KIF5C: variants seen among roughly 807,000 people sequenced by gnomAD.
The protein encoded by KIF5C is kinesin heavy chain isoform 5C.
A neutral mutation model predicts 125.2 loss-of-function variants in KIF5C; 18 were observed. The ratio of observed to expected loss-of-function variants is 0.14; its 90% CI spans 0.10 to 0.21. The LOEUF is 0.21. Ranked by LOEUF, KIF5C falls within the 10% of genes least tolerant of loss-of-function variation. KIF5C has a pLI of 1.00. For synonymous variants in KIF5C, 405 were observed against 434.0 expected, an observed-to-expected ratio of 0.93 and a Z score of 0.83; for missense variants, 780 against 1,183.8, an observed-to-expected ratio of 0.66 and a Z score of 5.01.
chr2:148,959,569 C>G (rs900617749), intron 10 of KIF5C, among the ~76,000 whole-genome samples: 4 of 152,144 alleles, frequency 2.6e-5, no homozygotes, highest in Admixed American at 6.5e-5. Flanking sequence ...CCCATTTGGG[C>G]TGAATGAAGT....
chr2:148,945,073 T>A (rs563215106), intron 7 of KIF5C, among the ~76,000 whole-genome samples: 1 of 152,294 alleles, frequency 6.6e-6, no homozygotes, highest in South Asian at 2.1e-4. Flanking sequence ...TTTATAAAAT[T>A]TTCTTCTATT....
At chr2:148,982,418 G>C (rs1681260732) in intron 14 of KIF5C, among the ~76,000 whole-genome samples, 1 of 152,216 alleles carries the variant, frequency 6.6e-6, no homozygotes, top group Admixed American at 6.5e-5. Context: ...CAATGGCCTG[G>C]TGTCCTGGGC....
Position 148,981,447 on chromosome 2 carries a change from A to G in KIF5C, c.1455A>G (p.Lys485=), listed in dbSNP as rs1681233082. 3 of 1,609,800 alleles carry G rather than the reference A, an allele frequency of 1.9e-6. No individual in the cohort carries two copies. Among genetic ancestry groups the G allele is most frequent in the Non-Finnish European group, 2.5e-6 (3 of 1,178,116 alleles). ...ATGAGGCAGCCAAGGATGAGGTGAAAGAAGTTCTCCAGGCCCTGGAGGAGC... is the reference window on the plus strand; with the variant it reads ...ATGAGGCAGCCAAGGATGAGGTGAAGGAAGTTCTCCAGGCCCTGGAGGAGC... ...IENEAAKDEV[K]EVLQALEELA... Residue 485 remains lysine (K), a synonymous_variant, in exon 14 of 26, where the codon AAA becomes AAG. Coordinates refer to ENST00000435030, the MANE Select transcript of KIF5C (RefSeq NM_004522.3).
intron 1 of KIF5C, among the ~76,000 whole-genome samples, chr2:148,882,125 C>A (rs912393384): frequency 7.8e-4 from 119 of 152,226 alleles, no homozygotes; most frequent in African/African-American, 2.8e-3. Context: ...CGGGAGAAAA[C>A]TATTTTAGAT....
intron 25 of KIF5C, among the ~76,000 whole-genome samples, chr2:149,018,227 T>C (rs953100732): frequency 7.2e-5 from 11 of 152,054 alleles, no homozygotes; most frequent in Non-Finnish European, 4.4e-5. Flanking sequence ...AGTTTGAGGC[T>C]GCAGTGAGCT....
intron 1 of KIF5C, chr2:148,878,906 TTG>T (rs1471105994): frequency 1.3e-5 from 2 of 152,328 alleles, no homozygotes; most frequent in African/African-American, 4.8e-5. Flanking sequence ...CAGAAATTCT[TTG>T]TGTTTTTGAA....
intron 24 of KIF5C, among the ~76,000 whole-genome samples, chr2:149,010,632 C>G (rs545663003): frequency 1.3e-5 from 2 of 152,372 alleles, no homozygotes; most frequent in Non-Finnish European, 2.9e-5. Flanking sequence ...AGGCCTAGGT[C>G]TTGGGCTATA....
intron 4 of KIF5C, among the ~76,000 whole-genome samples, chr2:148,941,240 A>G (rs35668735): frequency 0.11 from 16,578 of 152,226 alleles, 1,208 homozygotes; most frequent in Middle Eastern, 0.2. Flanking sequence ...AGTCTCCTTC[A>G]TGATACTGTC....
intron 1 of KIF5C, among the ~76,000 whole-genome samples, chr2:148,877,502 T>C (rs1681225318): frequency 6.6e-6 from 1 of 152,268 alleles, no homozygotes. Flanking sequence ...TAGTGACTTA[T>C]TTGGTTTACA....
At chr2:148,987,183 G>C (rs1398871280) in intron 15 of KIF5C, among the ~76,000 whole-genome samples, 1 of 152,172 alleles carries the variant, frequency 6.6e-6, no homozygotes, top group African/African-American at 2.4e-5. Flanking sequence ...TATTCAACAG[G>C]TTACAGGAGG....
At chr2:148,900,990 A>C (rs1382873188) in intron 1 of KIF5C, among the ~76,000 whole-genome samples, 1 of 152,120 alleles carries the variant, frequency 6.6e-6, no homozygotes, top group African/African-American at 2.4e-5. Context: ...AAAAAACCCC[A>C]ACAAACCCAC....
chr2:148,900,040 T>A (rs772719670), intron 1 of KIF5C, among the ~76,000 whole-genome samples: 12 of 152,228 alleles, frequency 7.9e-5, no homozygotes, highest in Non-Finnish European at 1.6e-4. Flanking sequence ...GTCGGGCTGC[T>A]TGGTCAGCTT....
At chr2:148,990,635 C>T (rs947864176) in intron 15 of KIF5C, among the ~76,000 whole-genome samples, 2 of 152,180 alleles carry the variant, frequency 1.3e-5, no homozygotes, top group Non-Finnish European at 2.9e-5. Context: ...CATCACCTTT[C>T]GGAGCATTGG....
intron 16 of KIF5C, 61 bp downstream of exon 16, chr2:148,991,259 C>T: frequency 6.4e-7 from 1 of 1,553,424 alleles, no homozygotes; most frequent in Non-Finnish European, 8.7e-7. Context: ...TCCCTCCATG[C>T]CCTTGCTGGT....
At chr2:148,931,099 GTTTT>G (rs969002316) in intron 3 of KIF5C, among the ~76,000 whole-genome samples, 3 of 152,032 alleles carry the variant, frequency 2.0e-5, no homozygotes, top group African/African-American at 7.2e-5. Flanking sequence ...CAGTCTAGAG[GTTTT>G]TTTGTTTGTT....
intron 21 of KIF5C, among the ~76,000 whole-genome samples, chr2:149,001,157 T>A (rs916319332): frequency 5.9e-5 from 9 of 152,146 alleles, no homozygotes; most frequent in Non-Finnish European, 1.3e-4. Flanking sequence ...AGAGATAAGA[T>A]CCCTGTCCTC....
intron 11 of KIF5C, among the ~76,000 whole-genome samples, chr2:148,972,253 C>G (rs1680937813): frequency 1.3e-5 from 2 of 152,184 alleles, no homozygotes; most frequent in Non-Finnish European, 2.9e-5. Flanking sequence ...TTGAAAAACT[C>G]TCTGACTCAA....
chr2:148,946,870 G>A, intron 7 of KIF5C, 29 bp from the exon 8 acceptor site: 1 of 1,609,282 alleles, frequency 6.2e-7, no homozygotes, highest in East Asian at 2.2e-5. Flanking sequence ...CATGTTCTTT[G>A]TAGAGCAGTA....
At chr2:148,926,937 G>T (rs1413425465) in intron 2 of KIF5C, among the ~76,000 whole-genome samples, 1 of 152,116 alleles carries the variant, frequency 6.6e-6, no homozygotes, top group African/African-American at 2.4e-5. Flanking sequence ...ATACTTTCAG[G>T]GCCGAGTGGA....
Sources: gnomAD v4.1 joint callset for allele counts (sites outside exome capture counted in the v4.1 genomes callset) on GRCh38, gnomAD v4.1.1 for gene constraint, MANE v1.5 for transcripts, NCBI Gene and HGNC (gene_info 2026-07-23, HGNC 2026-07-21) for gene names.